The following ROBO2 variants were observed in gnomAD, a reference collection of about 807,000 sequenced individuals.
ROBO2 encodes roundabout guidance receptor 2, also known as roundabout homolog 2.
ROBO2 carries 53 observed loss-of-function variants against 160.8 expected under a neutral mutation model. That is an observed-to-expected ratio of 0.33 (90% confidence interval 0.26 to 0.41). ROBO2 has a LOEUF of 0.41. ROBO2 is among the 10% of genes least tolerant of loss of function. The pLI is 1.00. For synonymous variants in ROBO2, 664 were observed against 611.7 expected (o/e 1.09, Z -1.26); for missense variants, 1,577 against 1,722.4 (o/e 0.92, Z 1.49).
At chr3:75,970,140 C>T (rs2064952673) in intron 2 of ROBO2, among the ~76,000 whole-genome samples, 1 of 151,310 alleles carries the variant, frequency 6.6e-6, no homozygotes, top group Non-Finnish European at 1.5e-5. Flanking sequence ...TCACAGGAAC[C>T]CCTCTTTGCC....
intron 2 of ROBO2, among the ~76,000 whole-genome samples, chr3:76,502,245 A>G (rs2080500019): frequency 6.6e-6 from 1 of 152,176 alleles, no homozygotes; most frequent in Non-Finnish European, 1.5e-5. Context: ...AGTAGAATAC[A>G]GCTGCTCCTC....
chr3:77,054,839 C>G (rs763802433), intron 1 of ROBO2, among the ~76,000 whole-genome samples: 1 of 151,854 alleles, frequency 6.6e-6, no homozygotes, highest in Admixed American at 6.6e-5. Flanking sequence ...TACTTCATAG[C>G]CAACATTTGA....
intron 2 of ROBO2, among the ~76,000 whole-genome samples, chr3:76,840,799 G>A (rs550062139): frequency 2.0e-5 from 3 of 151,838 alleles, no homozygotes; most frequent in African/African-American, 4.8e-5. Flanking sequence ...GCATTTGTTG[G>A]TGGAAATTGT....
intron 2 of ROBO2, among the ~76,000 whole-genome samples, chr3:76,675,495 C>G (rs892862088): frequency 6.6e-6 from 1 of 152,120 alleles, no homozygotes; most frequent in South Asian, 2.1e-4. Context: ...ATATAGCCAT[C>G]ATGGAAGGGT....
chr3:75,922,595 A>C (rs953413020), intron 1 of ROBO2, among the ~76,000 whole-genome samples: 35 of 152,260 alleles, frequency 2.3e-4, no homozygotes, highest in Non-Finnish European at 4.6e-4. Flanking sequence ...TATGAAACTC[A>C]TGAACACTAA....
intron 2 of ROBO2, among the ~76,000 whole-genome samples, chr3:77,465,565 T>G (rs1031001070): frequency 6.6e-6 from 1 of 152,146 alleles, no homozygotes; most frequent in Non-Finnish European, 1.5e-5. Context: ...TCAAGGTGAC[T>G]CCAGTGTGTA....
At chr3:77,402,009 G>C (rs779474823) in intron 2 of ROBO2, among the ~76,000 whole-genome samples, 1 of 152,120 alleles carries the variant, frequency 6.6e-6, no homozygotes, top group African/African-American at 2.4e-5. Context: ...ATTCACAATA[G>C]TAAAGACTTG....
chr3:77,575,068 T>A (rs2153671045), intron 14 of ROBO2, among the ~76,000 whole-genome samples: 1 of 152,240 alleles, frequency 6.6e-6, no homozygotes, highest in African/African-American at 2.4e-5. Flanking sequence ...ACACAGGCTG[T>A]TCATTGTGAC....
At chr3:77,348,965 G>A (rs886066489) in intron 2 of ROBO2, among the ~76,000 whole-genome samples, 5 of 151,868 alleles carry the variant, frequency 3.3e-5, no homozygotes, top group Non-Finnish European at 5.9e-5. Context: ...GCTTCTTCTC[G>A]GAGAGGCCTT....
At chr3:77,380,939 C>T (rs13086171) in intron 2 of ROBO2, among the ~76,000 whole-genome samples, 17 of 151,870 alleles carry the variant, frequency 1.1e-4, no homozygotes, top group Non-Finnish European at 1.9e-4. Flanking sequence ...TCTTTCTCCC[C>T]GTGAAACTGG....
At chr3:76,984,494 G>A (rs2060265991) in intron 2 of ROBO2, among the ~76,000 whole-genome samples, 1 of 152,078 alleles carries the variant, frequency 6.6e-6, no homozygotes, top group African/African-American at 2.4e-5. Flanking sequence ...AACCACTGGG[G>A]TATCCACACT....
intron 2 of ROBO2, among the ~76,000 whole-genome samples, chr3:75,988,867 A>T (rs2065487821): frequency 6.6e-6 from 1 of 151,900 alleles, no homozygotes; most frequent in Admixed American, 6.6e-5. Context: ...ATATATTAAA[A>T]TCTGATGATA....
intron 2 of ROBO2, among the ~76,000 whole-genome samples, chr3:76,417,188 C>T (rs1395196368): frequency 6.6e-6 from 1 of 152,126 alleles, no homozygotes; most frequent in Non-Finnish European, 1.5e-5. Flanking sequence ...ACACAGCATG[C>T]TATAAGATAT....
intron 2 of ROBO2, among the ~76,000 whole-genome samples, chr3:76,555,358 GAGAAGAAGA>G (rs58339602): frequency 0.016 from 920 of 57,966 alleles, 40 homozygotes; most frequent in African/African-American, 0.026. Context: ...AGTAGGAAGA[GAGAAGAAGA>G]AGAAGAAGAA....
chr3:77,546,385 G>A lies in ROBO2; in HGVS notation c.982G>A (p.Gly328Ser), dbSNP rs986191822. ...GCCAAGAGATCAGATTGTTGCTCAAGGTCGAACAGTGACATTTCCCTGTGA... is the reference window on the plus strand; with the variant it reads ...GCCAAGAGATCAGATTGTTGCTCAAAGTCGAACAGTGACATTTCCCTGTGA... The change falls in exon 7 of 26, where the codon GGT (glycine) becomes AGT (serine). Residue 328 changes from glycine to serine, a missense_variant. Gly to Ser is a moderately conservative substitution (Grantham distance 56). This residue lies in a region of ROBO2 where 940 missense variants were observed against 1,135.5 expected (regional missense o/e 0.83). Coordinates refer to ENST00000461745, the Ensembl canonical transcript of ROBO2. 6.2e-7 allele frequency: 1 copy of A among 1,613,266 alleles called. No individual in the cohort carries two copies. The highest frequency in any genetic ancestry group is 8.5e-7 in the Non-Finnish European group (1 of 1,179,394).
chr3:76,821,679 A>C (rs1247867654), intron 2 of ROBO2, among the ~76,000 whole-genome samples: 2 of 151,698 alleles, frequency 1.3e-5, no homozygotes, highest in East Asian at 3.9e-4. Flanking sequence ...ACCAAAATTA[A>C]AGGGAGGCAT....
At position 77,575,509 on chromosome 3, in the gene ROBO2, C is replaced by T. The variant is rs564856139; in HGVS notation, c.2203+779C>T. On this transcript the variant is annotated intron_variant, in intron 14 of 25. Coordinates refer to ENST00000461745, the Ensembl canonical transcript of ROBO2. ...TTAAAAAATGTATATAGGTTGCCCA[C>T]GTTAACATCTATGTGCTTGACCAAA... Among the ~76,000 whole-genome samples the T allele has an allele frequency of 2.0e-4, 30 of 152,158 alleles. No individual in the cohort carries two copies. In the South Asian group the frequency reaches 6.0e-3, roughly 31 times the overall value.
At chr3:76,892,639 A>G (rs1371722214) in intron 2 of ROBO2, among the ~76,000 whole-genome samples, 1 of 152,116 alleles carries the variant, frequency 6.6e-6, no homozygotes, top group Non-Finnish European at 1.5e-5. Flanking sequence ...TTTTCCCTAC[A>G]TATCTACCAA....
At chr3:76,959,142 TG>T (rs1266415009) in intron 2 of ROBO2, among the ~76,000 whole-genome samples, 1 of 152,234 alleles carries the variant, frequency 6.6e-6, no homozygotes, top group Non-Finnish European at 1.5e-5. Context: ...AGGCTGAGCT[TG>T]CTTGCTTTAT....
Sources: gnomAD v4.1 joint callset for allele counts (sites outside exome capture counted in the v4.1 genomes callset) on GRCh38, gnomAD v4.1.1 for gene constraint, gnomAD v4.1.1 regional missense constraint, MANE v1.5 for transcripts, NCBI Gene and HGNC (gene_info 2026-07-23, HGNC 2026-07-21) for gene names.